FBN3: variants seen among roughly 807,000 people sequenced by gnomAD.
The protein encoded by FBN3 is fibrillin-3.
Under a neutral mutation model 330.1 loss-of-function variants are expected in FBN3, and 234 were observed. The observed-to-expected ratio is 0.71, with a 90% CI of 0.64 to 0.79. FBN3 has a LOEUF of 0.79. FBN3 is among the 30% of genes least tolerant of loss of function. FBN3 has a pLI of 0.00. For missense variants in FBN3, 3,606 were observed against 3,886.9 expected (o/e 0.93, Z 1.92); for synonymous variants, 1,458 against 1,517.3 (o/e 0.96, Z 0.91).
chr19:8,115,405 T>G, intron 30 of FBN3, 110 bp downstream of exon 30: 43 of 1,338,456 alleles, frequency 3.2e-5, no homozygotes, highest in Non-Finnish European at 4.1e-5. Flanking sequence ...TGGAAATCTA[T>G]GAGAATGAAT....
Position 8,065,541 on chromosome 19 carries a change from C to T in FBN3, c.*378G>A. ...TCCGAGGAATAAGCCCTGTGCCCAC[C>T]CCAGTTGCCCATTGCCATGTCCTGC... is the stretch of plus-strand genomic sequence containing the variant. On this transcript the variant is annotated 3_prime_UTR_variant, in exon 64 of 64. Coordinates refer to ENST00000600128, the MANE Select transcript of FBN3 (RefSeq NM_032447.5). 1 of 225,626 alleles carries T rather than the reference C, an allele frequency of 4.4e-6. No individual in the cohort carries two copies. The highest frequency in any genetic ancestry group is 8.6e-6 in the Non-Finnish European group (1 of 116,482). The allele number at this position is 225,626 out of a possible 1,614,324, so 14.0% of individuals were successfully genotyped here.
intron 20 of FBN3, 55 bp downstream of exon 20, chr19:8,126,413 G>A (rs1347345136): frequency 9.4e-6 from 15 of 1,590,732 alleles, no homozygotes; most frequent in East Asian, 6.8e-5. Context: ...GGGGGGACCC[G>A]CCCCATGGAG....
In FBN3 at chr19:8,149,333, C is replaced by G. The variant is rs1013196428; in HGVS notation, c.-18+116G>C. On this transcript the variant is annotated intron_variant, in intron 1 of 63. Transcript: ENST00000600128. The surrounding 1 kb of genome is among the most constrained non-coding windows in gnomAD (Gnocchi z 5.5). ...GGAGGGGGCTGGGCCCGGGGCTGCC[C>G]GGCTGCGAACAAAGGAATCCTCTCC... The G allele has an allele frequency of 1.3e-5, 2 of 151,622 alleles. No individual in the cohort carries two copies. The highest frequency in any genetic ancestry group is 2.9e-5 in the Non-Finnish European group (2 of 67,898). The allele number at this position is 151,622 out of a possible 1,614,324, so 9.4% of individuals were successfully genotyped here.
chr19:8,144,289 C>G (rs566639605), intron 6 of FBN3, among the ~76,000 whole-genome samples: 1 of 151,834 alleles, frequency 6.6e-6, no homozygotes, highest in Non-Finnish European at 1.5e-5. Flanking sequence ...CCCAGCTACT[C>G]GGGAGGCTGA....
At chr19:8,100,838 G>A (rs1284470363) in intron 41 of FBN3, 63 bp downstream of exon 41, 5 of 1,297,392 alleles carry the variant, frequency 3.9e-6, no homozygotes, top group Non-Finnish European at 5.6e-6. Context: ...GGAGGGGAGG[G>A]GTGGGAGGAA....
At chr19:8,082,483 T>TTCCC (rs2081825926) in intron 57 of FBN3, among the ~76,000 whole-genome samples, 2 of 36,848 alleles carry the variant, frequency 5.4e-5, no homozygotes, top group South Asian at 4.9e-4. Context: ...CCTTCCTTCC[T>TTCCC]TCCTTCCCTT....
chr19:8,082,778 G>A (rs571656067), intron 57 of FBN3, among the ~76,000 whole-genome samples: 1 of 151,232 alleles, frequency 6.6e-6, no homozygotes. Context: ...ACAAGCATGA[G>A]CTACTATGCC....
Position 8,081,475 on chromosome 19 carries a change from C to T in FBN3, c.7219G>A (p.Asp2407Asn). ...DATATTCLDM[D>N]ECSQVPKPCT... ...GGCTTGGGGACCTGGCTGCACTCAT[C>T]CATATCTGGGGAAGGACAGCGTGGG... The change falls in exon 58 of 64, where the codon GAT (aspartate) becomes AAT (asparagine). Residue 2407 changes from aspartate (D) to asparagine (N), a missense_variant. Asp to Asn is a conservative substitution (Grantham distance 23). Transcript: ENST00000600128. 1 of 1,603,392 alleles carries T rather than the reference C, an allele frequency of 6.2e-7. No homozygotes were observed. Among genetic ancestry groups the T allele is most frequent in the Non-Finnish European group, 8.5e-7 (1 of 1,175,604 alleles).
At chr19:8,111,559 G>A in intron 32 of FBN3, 89 bp downstream of exon 32, 2 of 1,381,372 alleles carry the variant, frequency 1.4e-6, no homozygotes, top group Non-Finnish European at 2.0e-6. Context: ...GAAGGAGTCA[G>A]GAGGTCGAGT....
chr19:8,084,647 C>T (rs984589808), intron 56 of FBN3, among the ~76,000 whole-genome samples: 6 of 151,976 alleles, frequency 3.9e-5, no homozygotes, highest in East Asian at 1.9e-4. Flanking sequence ...AGTGCAATGG[C>T]GTGATCTCGT....
At chr19:8,098,089 C>T (rs35911979) in intron 41 of FBN3, among the ~76,000 whole-genome samples, 69,545 of 152,164 alleles carry the variant, frequency 0.46, 18,109 homozygotes, top group Middle Eastern at 0.65. Flanking sequence ...TGTGAATGTA[C>T]TCAAAACCAC....
At chr19:8,115,074 C>T (rs546658187) in intron 30 of FBN3, among the ~76,000 whole-genome samples, 6 of 152,020 alleles carry the variant, frequency 3.9e-5, no homozygotes, top group South Asian at 2.1e-4. Context: ...AGACTGGTCT[C>T]GAACTCCTGA....
intron 63 of FBN3, among the ~76,000 whole-genome samples, chr19:8,071,773 G>A (rs968366662): frequency 7.9e-5 from 12 of 152,116 alleles, no homozygotes; most frequent in Non-Finnish European, 1.3e-4. Context: ...ATCACAGCCC[G>A]GCCAGGGTCT....
At chr19:8,118,585 C>T (rs1658279156) in intron 26 of FBN3, among the ~76,000 whole-genome samples, 1 of 150,578 alleles carries the variant, frequency 6.6e-6, no homozygotes, top group Admixed American at 6.6e-5. Context: ...CACACTCACT[C>T]CTCACATACA....
At chr19:8,115,405 T>C (rs2082683203) in intron 30 of FBN3, 110 bp downstream of exon 30, 1 of 1,338,338 alleles carries the variant, frequency 7.5e-7, no homozygotes, top group Non-Finnish European at 1.0e-6. Context: ...TGGAAATCTA[T>C]GAGAATGAAT....
At chr19:8,130,563 A>AAG (rs1273607646) in intron 16 of FBN3, among the ~76,000 whole-genome samples, 1,354 of 73,532 alleles carry the variant, frequency 0.018, 293 homozygotes, top group East Asian at 0.045. Flanking sequence ...AGAGAGAGAG[A>AAG]GAAGGAAAGA....
At chr19:8,083,887 C>G (rs1258108631) in intron 56 of FBN3, among the ~76,000 whole-genome samples, 1 of 151,032 alleles carries the variant, frequency 6.6e-6, no homozygotes, top group South Asian at 2.1e-4. Context: ...ACTGCAAGCT[C>G]CGCCTCCCGG....
chr19:8,086,435 A>G (rs1350915774), intron 54 of FBN3, 110 bp from the exon 55 acceptor site: 44 of 422,206 alleles, frequency 1.0e-4, no homozygotes, highest in Non-Finnish European at 1.5e-4. Flanking sequence ...GCTTATTTTT[A>G]TTTTATTTAT....
chr19:8,073,654 G>A (rs1015318764), intron 61 of FBN3, among the ~76,000 whole-genome samples: 6 of 152,160 alleles, frequency 3.9e-5, no homozygotes, highest in African/African-American at 9.7e-5. Context: ...GCTTCCACCC[G>A]CTTGACACCA....
Sources: allele counts gnomAD v4.1 joint callset (sites outside exome capture counted in the v4.1 genomes callset), GRCh38; gene constraint gnomAD v4.1.1; non-coding constraint Gnocchi (gnomAD v3.1); transcripts MANE v1.5; gene names NCBI Gene and HGNC (gene_info 2026-07-23, HGNC 2026-07-21).